PAK2: variants seen among roughly 807,000 people sequenced by gnomAD.
PAK2 encodes p21 (RAC1) activated kinase 2.
In PAK2, 21 loss-of-function variants were observed where a neutral mutation model predicts 65.9. The observed-to-expected ratio is 0.32, with a 90% CI of 0.23 to 0.46. The LOEUF is 0.46. Ranked by LOEUF, PAK2 falls within the 20% of genes least tolerant of loss-of-function variation. PAK2 has a pLI of 1.00. For missense variants in PAK2, 324 were observed against 642.6 expected (o/e 0.50, Z 5.36); for synonymous variants, 204 against 219.7 (o/e 0.93, Z 0.63).
chr3:196,778,605 C>G (rs1387661402), intron 1 of PAK2, among the ~76,000 whole-genome samples: 1 of 152,190 alleles, frequency 6.6e-6, no homozygotes, highest in Non-Finnish European at 1.5e-5. Flanking sequence ...TATGTCAAAA[C>G]AAAGCAGCCA....
chr3:196,820,326 A>C lies in PAK2; in HGVS notation c.1154-45A>C, dbSNP rs748891035. The stretch of plus-strand genomic sequence containing the variant: ...AATCTGAAGTGAACTCTTCTGCTAA[A>C]ACCATCCATGGAAGCCATTAACTCT... On this transcript the variant is annotated intron_variant, in intron 12 of 14. Transcript: ENST00000327134. The surrounding 1 kb of genome is among the most constrained non-coding windows in gnomAD (Gnocchi z 4.6). 8 of 1,216,870 alleles carry C rather than the reference A, an allele frequency of 6.6e-6. No individual in the cohort carries two copies. The highest frequency in any genetic ancestry group is 9.2e-6 in the Non-Finnish European group (8 of 872,682). The allele number at this position is 1,216,870 out of a possible 1,614,324, so 75.4% of individuals were successfully genotyped here. A position where few individuals can be genotyped will look rare whatever the true frequency, so the allele number is the denominator to read the frequency against.
intron 2 of PAK2, among the ~76,000 whole-genome samples, chr3:196,797,761 A>T (rs143052562): frequency 8.5e-4 from 129 of 151,152 alleles, no homozygotes; most frequent in African/African-American, 1.2e-3. Context: ...AAAAAAAAAT[A>T]AAATAAATAA....
At chr3:196,762,523 C>G (rs558118889) in intron 1 of PAK2, among the ~76,000 whole-genome samples, 14 of 151,090 alleles carry the variant, frequency 9.3e-5, no homozygotes, top group African/African-American at 3.4e-4. Flanking sequence ...AGCGAAACCT[C>G]GTCTCCACCA....
intron 2 of PAK2, among the ~76,000 whole-genome samples, chr3:196,790,028 G>C (rs1202185100): frequency 1.3e-5 from 2 of 152,196 alleles, no homozygotes; most frequent in Non-Finnish European, 2.9e-5. Context: ...CCATGGACCT[G>C]TACTGGTCCA....
chr3:196,767,476 A>G (rs904241982), intron 1 of PAK2, among the ~76,000 whole-genome samples: 3 of 151,862 alleles, frequency 2.0e-5, no homozygotes, highest in Non-Finnish European at 4.4e-5. Context: ...ATAATGAAAT[A>G]CATGTTTTTT....
chr3:196,815,156 G>A (rs1276969476), intron 11 of PAK2, among the ~76,000 whole-genome samples: 1 of 151,368 alleles, frequency 6.6e-6, no homozygotes, highest in Non-Finnish European at 1.5e-5. Context: ...CTCCAGCCTG[G>A]GCAACAGAGC....
chr3:196,771,734 T>C (rs1714366427), intron 1 of PAK2, among the ~76,000 whole-genome samples: 1 of 152,082 alleles, frequency 6.6e-6, no homozygotes, highest in Non-Finnish European at 1.5e-5. Context: ...AATTTTGTAT[T>C]TTTAGTAGAG....
rs1711610157 is a variant in PAK2 at position 196,820,471 on chromosome 3, A to G, written c.1254A>G (p.Lys418=). The stretch of plus-strand genomic sequence containing the variant: ...TGGCACCAGAGGTGGTTACACGGAA[A>G]GCTTATGGCCCTAAAGTCGACATAT... ...YWMAPEVVTR[K]AYGPKVDIWS... Residue 418 remains lysine, a synonymous_variant, in exon 13 of 15, where the codon AAA becomes AAG. Transcript: ENST00000327134. The surrounding 1 kb of genome is among the most constrained non-coding windows in gnomAD (Gnocchi z 4.6). 1 of 1,613,128 alleles carries G rather than the reference A, an allele frequency of 6.2e-7. No individual in the cohort carries two copies. Among genetic ancestry groups the G allele is most frequent in the Non-Finnish European group, 8.5e-7 (1 of 1,179,316 alleles).
intron 1 of PAK2, among the ~76,000 whole-genome samples, chr3:196,762,156 G>T (rs1251140014): frequency 9.2e-6 from 1 of 109,070 alleles, no homozygotes; most frequent in Admixed American, 8.6e-5. Context: ...GGGCAGAGAC[G>T]CTCCTCACTT....
chr3:196,751,178 T>A (rs1046282045), intron 1 of PAK2, among the ~76,000 whole-genome samples: 1 of 152,174 alleles, frequency 6.6e-6, no homozygotes, highest in Non-Finnish European at 1.5e-5. Flanking sequence ...TGTAGCGCAG[T>A]ATTTTCAGGG....
chr3:196,781,878 C>T (rs765402251), intron 1 of PAK2, among the ~76,000 whole-genome samples: 9 of 151,988 alleles, frequency 5.9e-5, no homozygotes, highest in South Asian at 2.1e-4. Context: ...CCAAGGTGGG[C>T]GGATCACCTG....
intron 2 of PAK2, among the ~76,000 whole-genome samples, chr3:196,795,948 G>T (rs989334292): frequency 6.6e-6 from 1 of 152,294 alleles, no homozygotes; most frequent in South Asian, 2.1e-4. Context: ...GAATGGTTTC[G>T]AGATGAAACT....
chr3:196,814,313 C>T (rs147371978), intron 10 of PAK2, 138 bp from the exon 11 acceptor site: 295 of 597,634 alleles, frequency 4.9e-4, no homozygotes, highest in Admixed American at 1.2e-3. Flanking sequence ...TAGCAGCTTT[C>T]CAGTTTTCTT....
At position 196,827,252 on chromosome 3, in the gene PAK2, T is replaced by C; in HGVS notation, c.1407T>C (p.Leu469=). Residue 469 remains leucine, a synonymous_variant, in exon 14 of 15, where the codon CTT becomes CTC. Transcript: ENST00000327134. ...GTPELQNPEK[L]SPIFRDFLNR... Reference sequence around the variant, plus strand: ...CAGAACTTCAGAATCCAGAGAAACTTTCCCCAATATTTCGGGATTTCTTAA... The same window carrying C: ...CAGAACTTCAGAATCCAGAGAAACTCTCCCCAATATTTCGGGATTTCTTAA... The C allele has an allele frequency of 6.2e-7, 1 of 1,611,176 alleles. No individual in the cohort carries two copies. The highest frequency in any genetic ancestry group is 2.2e-5 in the East Asian group (1 of 44,862).
At chr3:196,794,373 A>G (rs1011889702) in intron 2 of PAK2, among the ~76,000 whole-genome samples, 4 of 152,200 alleles carry the variant, frequency 2.6e-5, no homozygotes, top group Admixed American at 2.0e-4. Flanking sequence ...AAGAACTCAG[A>G]TATGAGAAGG....
intron 2 of PAK2, among the ~76,000 whole-genome samples, chr3:196,783,582 A>ATC (rs1478298399): frequency 6.6e-6 from 1 of 150,664 alleles, no homozygotes; most frequent in Non-Finnish European, 1.5e-5. Flanking sequence ...ACTCTCTCAA[A>ATC]AAAAAAAAAA....
intron 1 of PAK2, among the ~76,000 whole-genome samples, chr3:196,777,439 A>G (rs1714571822): frequency 6.6e-6 from 1 of 152,158 alleles, no homozygotes; most frequent in African/African-American, 2.4e-5. Flanking sequence ...CCTGACCTCA[A>G]GTAATCCCCC....
intron 1 of PAK2, among the ~76,000 whole-genome samples, chr3:196,779,458 A>G (rs1714638225): frequency 6.6e-6 from 1 of 152,160 alleles, no homozygotes; most frequent in African/African-American, 2.4e-5. Flanking sequence ...GACGTGGTGA[A>G]GTGTAAGTCG....
intron 14 of PAK2, among the ~76,000 whole-genome samples, chr3:196,827,698 CATATGT>C (rs916944714): frequency 6.6e-6 from 1 of 151,912 alleles, no homozygotes; most frequent in African/African-American, 2.4e-5. Flanking sequence ...CACATGTGTA[CATATGT>C]AACAAACCTG....
Sources: gnomAD v4.1 joint callset for allele counts (sites outside exome capture counted in the v4.1 genomes callset) on GRCh38, gnomAD v4.1.1 for gene constraint, Gnocchi (gnomAD v3.1) non-coding constraint, MANE v1.5 for transcripts, NCBI Gene and HGNC (gene_info 2026-07-23, HGNC 2026-07-21) for gene names.